TTLL7: variants seen among roughly 807,000 people sequenced by gnomAD.
TTLL7 encodes the protein tubulin polyglutamylase TTLL7.
Under a neutral mutation model 120.2 loss-of-function variants are expected in TTLL7, and 53 were observed. The observed-to-expected ratio is 0.44, with a 90% CI of 0.35 to 0.55. The LOEUF is 0.55. TTLL7 is among the 20% of genes least tolerant of loss of function. The pLI, the probability that TTLL7 is intolerant of heterozygous loss-of-function variation, is 0.00. For synonymous variants in TTLL7, 353 were observed against 351.7 expected (o/e 1.00, Z -0.04); for missense variants, 803 against 1,054.7 (o/e 0.76, Z 3.31).
chr1:83,885,151 C>A (rs1005591101), intron 19 of TTLL7: 15 of 230,432 alleles, frequency 6.5e-5, no homozygotes, highest in Middle Eastern at 2.3e-3. Context: ...TTTAGCAGAC[C>A]CTATAAAATT....
chr1:83,881,649 A>T (rs1429080225), intron 20 of TTLL7, among the ~76,000 whole-genome samples: 3 of 151,204 alleles, frequency 2.0e-5, no homozygotes, highest in Admixed American at 1.3e-4. Context: ...GGGACTGTAA[A>T]CTAGTTCAAC....
chr1:83,976,489 C>T (rs373398815), intron 1 of TTLL7, among the ~76,000 whole-genome samples: 1 of 152,030 alleles, frequency 6.6e-6, no homozygotes, highest in Admixed American at 6.6e-5. Flanking sequence ...TCACTAGGTA[C>T]AGCAACTCTT....
Position 83,884,589 on chromosome 1 carries a change from C to T in TTLL7, c.2370-1453G>A, listed in dbSNP as rs567794298. Among the ~76,000 whole-genome samples, 23 of 151,536 alleles carry T rather than the reference C, an allele frequency of 1.5e-4. No homozygotes were observed. The South Asian group carries it at 4.8e-3, about 32-fold the overall frequency. Reference sequence around the variant, plus strand: ...ATTTTCTTCAGTGTTCTGAAATGTTCAGGACTAAATATAATAGGCTTTTAA... The same window carrying T: ...ATTTTCTTCAGTGTTCTGAAATGTTTAGGACTAAATATAATAGGCTTTTAA... On this transcript the variant is annotated intron_variant, in intron 19 of 20. Coordinates refer to ENST00000260505, the MANE Select transcript of TTLL7 (RefSeq NM_024686.6).
intron 17 of TTLL7, 87 bp downstream of exon 17, chr1:83,906,242 T>C: frequency 1.8e-6 from 2 of 1,140,558 alleles, no homozygotes; most frequent in Non-Finnish European, 2.6e-6. Context: ...TCACTGAGCA[T>C]AATGCCTTCA....
intron 1 of TTLL7, among the ~76,000 whole-genome samples, chr1:83,994,713 C>A (rs888295027): frequency 2.6e-5 from 4 of 152,184 alleles, no homozygotes; most frequent in African/African-American, 9.7e-5. Flanking sequence ...CCCTCCCTTA[C>A]ACCTTATACC....
At chr1:83,890,526 G>GC in intron 18 of TTLL7, 45 bp from the exon 19 acceptor site, 2 of 1,510,840 alleles carry the variant, frequency 1.3e-6, no homozygotes, top group South Asian at 1.2e-5. Context: ...ATGTATATCT[G>GC]TGTCTAAAAT....
intron 1 of TTLL7, chr1:83,980,607 T>C (rs1190963168): frequency 2.0e-5 from 3 of 152,180 alleles, no homozygotes; most frequent in Admixed American, 2.0e-4. Flanking sequence ...GAAAATTTGA[T>C]ACTACCAGAT....
chr1:83,921,163 G>A lies in TTLL7; in HGVS notation c.1291-3C>T. Reference sequence around the variant, plus strand: ...CGTACTTGAGCGAGTCTCTCTTTCTGGAAATGAGAAAAATTTTACAAATAA... The same window carrying A: ...CGTACTTGAGCGAGTCTCTCTTTCTAGAAATGAGAAAAATTTTACAAATAA... On this transcript the variant is annotated splice_region_variant and splice_polypyrimidine_tract_variant and intron_variant, in intron 11 of 20. Coordinates refer to ENST00000260505, the MANE Select transcript of TTLL7 (RefSeq NM_024686.6). 2 of 1,610,476 alleles carry A rather than the reference G, an allele frequency of 1.2e-6. No homozygotes were observed. Among genetic ancestry groups the A allele is most frequent in the South Asian group, 1.1e-5 (1 of 90,060 alleles).
chr1:83,904,032 T>A lies in TTLL7; in HGVS notation c.2208+47A>T, dbSNP rs990859911. 13 of 1,444,722 alleles carry A rather than the reference T, an allele frequency of 9.0e-6. No homozygotes were observed. The African/African-American group carries it at 1.7e-4, about 19-fold the overall frequency. 89.5% of individuals were successfully genotyped at this position (1,444,722 alleles called of 1,614,324 possible). ...TGAATTTGGCTTAATGATCCTAGCT[T>A]AATACATAATCCAAGAGGGAAAAAA... is the stretch of plus-strand genomic sequence containing the variant. On this transcript the variant is annotated intron_variant, in intron 18 of 20. Transcript: ENST00000260505.
chr1:83,986,839 CA>C (rs1046000397), intron 1 of TTLL7, among the ~76,000 whole-genome samples: 1 of 149,660 alleles, frequency 6.7e-6, no homozygotes, highest in African/African-American at 2.5e-5. Context: ...GACTCCATCT[CA>C]AAAAAAAAGA....
In TTLL7 at chr1:83,873,991, TTAAA is replaced by T. The variant is rs577583212; in HGVS notation, c.2544-3913_2544-3910del. Among the ~76,000 whole-genome samples the T allele has an allele frequency of 1.9e-3, 288 of 152,256 alleles. 1 individual carries two copies. Among genetic ancestry groups the T allele is most frequent in the Admixed American group, 4.7e-3 (72 of 15,278 alleles). On this transcript the variant is annotated intron_variant, in intron 20 of 20. Coordinates refer to ENST00000260505, the MANE Select transcript of TTLL7 (RefSeq NM_024686.6). ...TGAAATACATAACATGAGTGTACTA[TTAAA>T]TAGTGTTTTTCTTACCATTTTTAAT...
chr1:83,993,266 C>A (rs1653172335), intron 1 of TTLL7, among the ~76,000 whole-genome samples: 1 of 152,176 alleles, frequency 6.6e-6, no homozygotes, highest in South Asian at 2.1e-4. Flanking sequence ...TTGAAATGAT[C>A]TTGAAGCTGC....
In TTLL7 at chr1:83,892,934, G is replaced by GAAAGAAAGAAAGA. The variant is rs1553129456; in HGVS notation, c.2209-2466_2209-2454dup. 3.6e-4 allele frequency among the ~76,000 whole-genome samples: 41 copies of GAAAGAAAGAAAGA among 113,448 alleles called. 1 individual carries two copies. The highest frequency in any genetic ancestry group is 1.7e-3 in the African/African-American group (40 of 23,190). The allele number at this position is 113,448 out of a possible 152,430, so 74.4% of individuals were successfully genotyped here. On this transcript the variant is annotated intron_variant, in intron 18 of 20. Coordinates refer to ENST00000260505, the MANE Select transcript of TTLL7 (RefSeq NM_024686.6). ...AAGAAAAAAGAAAGAAAAAGAGAAA[G>GAAAGAAAGAAAGA]AAAGAAAGAAAGAAAGAAAAGAATA...
chr1:83,951,884 T>C lies in TTLL7; in HGVS notation c.118A>G (p.Thr40Ala). 1.2e-6 allele frequency: 2 copies of C among 1,613,460 alleles called. No homozygotes were observed. The highest frequency in any genetic ancestry group is 1.7e-6 in the Non-Finnish European group (2 of 1,179,774). The change falls in exon 3 of 21, where the codon ACC (threonine) becomes GCC (alanine). Residue 40 changes from threonine to alanine, a missense_variant. Physicochemically the swap from Thr to Ala is moderately conservative, Grantham distance 58 (BLOSUM62 0). Coordinates refer to ENST00000260505, the MANE Select transcript of TTLL7 (RefSeq NM_024686.6). The stretch of plus-strand genomic sequence containing the variant: ...GTCCCGGCAACATTTGCTGTAATGG[T>C]TCCCTTCTTTTTCTTCTTTCTGACT... Reference protein sequence around the residue: ...RKVRKKKKKGTITANVAGTKF... With the variant: ...RKVRKKKKKGAITANVAGTKF...
intron 1 of TTLL7, among the ~76,000 whole-genome samples, chr1:83,976,350 T>G (rs1175414923): frequency 1.3e-5 from 2 of 152,026 alleles, no homozygotes; most frequent in African/African-American, 4.8e-5. Context: ...ATTACCAATC[T>G]TAAAAACTCA....
At chr1:83,940,078 A>G (rs942786793) in intron 7 of TTLL7, among the ~76,000 whole-genome samples, 1 of 152,120 alleles carries the variant, frequency 6.6e-6, no homozygotes, top group Admixed American at 6.6e-5. Context: ...TCCTTTTTCT[A>G]TATATGTAAA....
intron 1 of TTLL7, among the ~76,000 whole-genome samples, chr1:83,997,118 T>C (rs991876073): frequency 6.6e-6 from 1 of 152,246 alleles, no homozygotes; most frequent in Non-Finnish European, 1.5e-5. Flanking sequence ...TTTATGTCCT[T>C]ATTTAGGCAG....
chr1:83,978,368 T>C (rs11163879), intron 1 of TTLL7, among the ~76,000 whole-genome samples: 65,571 of 151,916 alleles, frequency 0.43, 15,594 homozygotes, highest in Non-Finnish European at 0.54. Flanking sequence ...GGAAACAGCC[T>C]AACCAAGGGA....
At chr1:83,998,820 G>A (rs1246773321) in intron 1 of TTLL7, 111 bp downstream of exon 1, 1 of 323,030 alleles carries the variant, frequency 3.1e-6, no homozygotes, top group Non-Finnish European at 6.1e-6. Flanking sequence ...GGTGTCCCCA[G>A]AGCAGTGACA....
Sources: gnomAD v4.1 joint callset for allele counts (sites outside exome capture counted in the v4.1 genomes callset) on GRCh38, gnomAD v4.1.1 for gene constraint, MANE v1.5 for transcripts, NCBI Gene and HGNC (gene_info 2026-07-23, HGNC 2026-07-21) for gene names.